MCPH1: variants seen among roughly 807,000 people sequenced by gnomAD.
The protein encoded by MCPH1 is microcephalin.
Under a neutral mutation model 84.5 loss-of-function variants are expected in MCPH1, and 104 were observed. The observed-to-expected ratio is 1.23, with a 90% confidence interval of 1.05 to 1.45. MCPH1 has a LOEUF of 1.45. MCPH1 is among the 40% of genes most tolerant of loss of function. MCPH1 has a pLI of 0.00. For missense variants in MCPH1, 1,498 were observed against 1,005.7 expected (o/e 1.49, Z -6.62); for synonymous variants, 514 against 366.8 (o/e 1.40, Z -4.58).
intron 12 of MCPH1, among the ~76,000 whole-genome samples, chr8:6,550,829 C>T (rs920921105): frequency 6.6e-6 from 1 of 152,202 alleles, no homozygotes; most frequent in African/African-American, 2.4e-5. Flanking sequence ...GATGTAAGCA[C>T]ATGGCGTGCA....
intron 12 of MCPH1, among the ~76,000 whole-genome samples, chr8:6,557,398 A>G (rs543540246): frequency 6.6e-6 from 1 of 152,288 alleles, no homozygotes; most frequent in South Asian, 2.1e-4. Context: ...AAGGTGACTC[A>G]GAGCCACCCT....
Position 6,643,232 on chromosome 8 carries a change from G to A in MCPH1, c.*183G>A. ...GTGACTTTCTGATGACTGAATGTCT[G>A]TTTCAGAGACGCTTCGGGCCTTTTT... On this transcript the variant is annotated 3_prime_UTR_variant, in exon 14 of 14. Coordinates refer to ENST00000344683, the MANE Select transcript of MCPH1 (RefSeq NM_024596.5). The A allele has an allele frequency of 1.5e-6, 1 of 653,272 alleles. No individual in the cohort carries two copies. The highest frequency in any genetic ancestry group is 2.7e-5 in the East Asian group (1 of 36,626). 40.5% of individuals were successfully genotyped at this position (653,272 alleles called of 1,614,324 possible). A position where few individuals can be genotyped will look rare whatever the true frequency, so the allele number is the denominator to read the frequency against.
intron 12 of MCPH1, among the ~76,000 whole-genome samples, chr8:6,594,552 C>T (rs143861212): frequency 1.3e-5 from 2 of 152,352 alleles, no homozygotes; most frequent in East Asian, 1.9e-4. Flanking sequence ...TCTCATGTGT[C>T]CATGTTGCTG....
At chr8:6,523,928 G>C (rs1026992314) in intron 12 of MCPH1, among the ~76,000 whole-genome samples, 1 of 150,422 alleles carries the variant, frequency 6.6e-6, no homozygotes, top group Non-Finnish European at 1.5e-5. Flanking sequence ...GAGGAAAATT[G>C]GATAGCCTGA....
At chr8:6,521,120 G>A in intron 12 of MCPH1, 1 of 1,401,634 alleles carries the variant, frequency 7.1e-7, no homozygotes, top group Non-Finnish European at 9.8e-7. Context: ...TTAGTCTTTT[G>A]AGTGTTTTAC....
At position 6,458,137 on chromosome 8, in the gene MCPH1, GT is replaced by G. The variant is rs200851078; in HGVS notation, c.1935+2888del. ...TTATAAACATTTCTCATGTAAAGTT[GT>G]TTCATTTTTAGACTCTAAAATTAAA... On this transcript the variant is annotated intron_variant, in intron 9 of 13. Transcript: ENST00000344683. 4.8e-3 allele frequency among the ~76,000 whole-genome samples: 735 copies of G among 152,254 alleles called. 6 individuals are homozygous for G. Among genetic ancestry groups the G allele is most frequent in the East Asian group, 0.041 (214 of 5,178 alleles).
intron 3 of MCPH1, among the ~76,000 whole-genome samples, chr8:6,417,127 A>C (rs776719964): frequency 2.0e-5 from 3 of 152,152 alleles, no homozygotes; most frequent in African/African-American, 7.2e-5. Flanking sequence ...TTGAATGTGT[A>C]GTTGCCTGTG....
At position 6,643,964 on chromosome 8, in the gene MCPH1, T is replaced by C. The variant is rs1408595503; in HGVS notation, c.*915T>C. 6.6e-6 allele frequency: 1 copy of C among 152,242 alleles called. No homozygotes were observed. The highest frequency in any genetic ancestry group is 2.4e-5 in the African/African-American group (1 of 41,444). The allele number at this position is 152,242 out of a possible 1,614,324, so 9.4% of individuals were successfully genotyped here. On this transcript the variant is annotated 3_prime_UTR_variant, in exon 14 of 14. Coordinates refer to ENST00000344683, the MANE Select transcript of MCPH1 (RefSeq NM_024596.5). Reference sequence around the variant, plus strand: ...TGGGGCTGATTCACAGAAACACCGATTTGTGGCTGAGCACGGTGGCTCACA... The same window carrying C: ...TGGGGCTGATTCACAGAAACACCGACTTGTGGCTGAGCACGGTGGCTCACA...
At chr8:6,508,773 A>T in intron 12 of MCPH1, 1 of 1,071,222 alleles carries the variant, frequency 9.3e-7, no homozygotes, top group East Asian at 2.5e-5. Flanking sequence ...TTAGTCTAAA[A>T]AAAGTGAAAA....
intron 9 of MCPH1, among the ~76,000 whole-genome samples, chr8:6,466,736 G>C (rs1221454005): frequency 1.3e-5 from 2 of 152,010 alleles, no homozygotes; most frequent in African/African-American, 4.8e-5. Flanking sequence ...ACCGCGCCTG[G>C]CCTAATTTTT....
At chr8:6,446,808 G>C in intron 8 of MCPH1, 1 of 985,336 alleles carries the variant, frequency 1.0e-6, no homozygotes, top group African/African-American at 1.7e-5. Context: ...GTGTGGCATG[G>C]CCTAAAATCC....
At chr8:6,626,984 CAA>C (rs3214515) in intron 13 of MCPH1, 69 of 909,142 alleles carry the variant, frequency 7.6e-5, no homozygotes, top group Admixed American at 1.4e-4. Context: ...ACAGCATTGC[CAA>C]AAAAAAAAAA....
intron 12 of MCPH1, among the ~76,000 whole-genome samples, chr8:6,597,917 A>G (rs546637679): frequency 3.8e-4 from 58 of 152,268 alleles, no homozygotes; most frequent in African/African-American, 1.3e-3. Flanking sequence ...GAAGGGCAGA[A>G]CCCTGCTTGT....
chr8:6,530,697 C>G (rs911488595), intron 12 of MCPH1, among the ~76,000 whole-genome samples: 1 of 152,052 alleles, frequency 6.6e-6, no homozygotes, highest in East Asian at 1.9e-4. Context: ...TTTTCTTGAA[C>G]TGTTGTGATA....
chr8:6,414,911 C>A, intron 3 of MCPH1, 28 bp downstream of exon 3: 1 of 1,609,468 alleles, frequency 6.2e-7, no homozygotes, highest in Non-Finnish European at 8.5e-7. Flanking sequence ...TACTTTTTTT[C>A]CTTAAGTATC....
At chr8:6,485,461 C>T (rs1586051200) in intron 11 of MCPH1, among the ~76,000 whole-genome samples, 1 of 152,032 alleles carries the variant, frequency 6.6e-6, no homozygotes, top group Non-Finnish European at 1.5e-5. Context: ...GCTCCTGTAC[C>T]TTCAACTGCT....
chr8:6,454,886 T>C (rs139041278), intron 8 of MCPH1, among the ~76,000 whole-genome samples: 55 of 152,354 alleles, frequency 3.6e-4, no homozygotes, highest in African/African-American at 1.3e-3. Context: ...TCTTACATTA[T>C]CAAATGGACG....
intron 12 of MCPH1, among the ~76,000 whole-genome samples, chr8:6,595,644 C>T (rs1267067823): frequency 1.3e-5 from 2 of 152,132 alleles, no homozygotes; most frequent in Non-Finnish European, 2.9e-5. Flanking sequence ...ATCGTTCCAG[C>T]TGCTGCAGGT....
At chr8:6,601,289 T>A (rs575361965) in intron 12 of MCPH1, among the ~76,000 whole-genome samples, 1 of 152,282 alleles carries the variant, frequency 6.6e-6, no homozygotes, top group East Asian at 1.9e-4. Flanking sequence ...GCTTCCCAGT[T>A]TCTAGTCATT....
Sources: gnomAD v4.1 joint callset for allele counts (sites outside exome capture counted in the v4.1 genomes callset) on GRCh38, gnomAD v4.1.1 for gene constraint, MANE v1.5 for transcripts, NCBI Gene and HGNC (gene_info 2026-07-23, HGNC 2026-07-21) for gene names.